Variants in STOX1 observed in about 807,000 individuals in gnomAD.
The protein encoded by STOX1 is storkhead-box protein 1.
In STOX1, 57 loss-of-function variants were observed where a neutral mutation model predicts 74.8. That is an observed-to-expected ratio of 0.76 (90% CI 0.62 to 0.95). The LOEUF (loss-of-function observed/expected upper bound fraction) is 0.95. Ranked by LOEUF, STOX1 falls within the 40% of genes least tolerant of loss-of-function variation. The probability of loss-of-function intolerance (pLI) is 0.00; values close to 1 mark genes in which losing one functional copy is unlikely to be tolerated. For synonymous variants in STOX1, 375 were observed against 401.3 expected, an observed-to-expected ratio of 0.93 and a Z score of 0.78; for missense variants, 1,010 against 1,117.0, an observed-to-expected ratio of 0.90 and a Z score of 1.37.
rs142819503 is a variant in STOX1, at chr10:68,854,453, C to T, written c.310+26520C>T. On this transcript the variant is annotated intron_variant, in intron 1 of 3. Coordinates refer to ENST00000298596, the MANE Select transcript of STOX1 (RefSeq NM_152709.5). ...CTGGGACTACAGGTGCATGCCACCACGCCTGGCTAATTTTTGTTATTTTTA... is the reference window on the plus strand; with the variant it reads ...CTGGGACTACAGGTGCATGCCACCATGCCTGGCTAATTTTTGTTATTTTTA... Among the ~76,000 whole-genome samples, 1,175 of 152,006 alleles carry T rather than the reference C, an allele frequency of 7.7e-3. 17 individuals carry two copies. The highest frequency in any genetic ancestry group is 0.027 in the African/African-American group (1,114 of 41,392).
intron 1 of STOX1, 23 bp from the exon 2 acceptor site, chr10:68,881,935 T>C (rs201895600): frequency 1.0e-5 from 16 of 1,602,452 alleles, no homozygotes; most frequent in South Asian, 5.5e-5. Context: ...CCCCTCCCCC[T>C]TTTTTTTAAA....
intron 1 of STOX1, among the ~76,000 whole-genome samples, chr10:68,848,520 A>G (rs1839907048): frequency 6.6e-6 from 1 of 152,122 alleles, no homozygotes; most frequent in African/African-American, 2.4e-5. Context: ...TTAACCTTTC[A>G]TGCCTCTGCT....
At chr10:68,889,674 A>G (rs1229228773) in intron 3 of STOX1, among the ~76,000 whole-genome samples, 2 of 151,848 alleles carry the variant, frequency 1.3e-5, no homozygotes, top group Non-Finnish European at 2.9e-5. Flanking sequence ...AGCAATTCTC[A>G]TGCCTCAGTC....
At chr10:68,837,324 T>G (rs980611320) in intron 1 of STOX1, among the ~76,000 whole-genome samples, 1 of 152,204 alleles carries the variant, frequency 6.6e-6, no homozygotes, top group African/African-American at 2.4e-5. Flanking sequence ...GTGGGGCATG[T>G]GTCCCGGTTG....
chr10:68,888,097 GCA>G (rs745666536), intron 3 of STOX1, among the ~76,000 whole-genome samples: 7 of 151,154 alleles, frequency 4.6e-5, no homozygotes, highest in Non-Finnish European at 7.4e-5. Flanking sequence ...ACACACACGC[GCA>G]CACACACATA....
intron 1 of STOX1, among the ~76,000 whole-genome samples, chr10:68,840,818 C>T (rs1024622265): frequency 6.6e-6 from 1 of 152,132 alleles, no homozygotes; most frequent in Non-Finnish European, 1.5e-5. Flanking sequence ...GCCTCGGCCT[C>T]CCAAAGTGCT....
chr10:68,888,681 C>G (rs983154848), intron 3 of STOX1, among the ~76,000 whole-genome samples: 11 of 141,602 alleles, frequency 7.8e-5, no homozygotes, highest in Non-Finnish European at 1.0e-4. Context: ...GTCACCCAGG[C>G]TGGAGTGCAG....
chr10:68,866,552 C>T (rs1840408417), intron 1 of STOX1, among the ~76,000 whole-genome samples: 1 of 152,188 alleles, frequency 6.6e-6, no homozygotes, highest in Non-Finnish European at 1.5e-5. Flanking sequence ...CCAGTTCTGC[C>T]TTCCAAGGAA....
At chr10:68,845,726 C>T (rs965667753) in intron 1 of STOX1, among the ~76,000 whole-genome samples, 9 of 150,682 alleles carry the variant, frequency 6.0e-5, no homozygotes, top group African/African-American at 1.7e-4. Context: ...CTCAGCCTCC[C>T]GAGTATCTGG....
intron 3 of STOX1, among the ~76,000 whole-genome samples, chr10:68,891,809 A>C (rs1261990819): frequency 6.7e-6 from 1 of 150,084 alleles, no homozygotes; most frequent in Non-Finnish European, 1.5e-5. Context: ...TTCAAAAAAA[A>C]AAAAAGCAAA....
In STOX1 at chr10:68,834,670, T is replaced by G. The variant is rs144893657; in HGVS notation, c.310+6737T>G. Among the ~76,000 whole-genome samples the G allele has an allele frequency of 2.0e-5, 3 of 152,352 alleles. No homozygotes were observed. The East Asian group carries it at 5.8e-4, about 29-fold the overall frequency. ...TACCCCAGAAAGTTCCCTCCTGTCCTTTCCCAGTCAGCTCTGCCTCGATTC... is the reference window on the plus strand; with the variant it reads ...TACCCCAGAAAGTTCCCTCCTGTCCGTTCCCAGTCAGCTCTGCCTCGATTC... On this transcript the variant is annotated intron_variant, in intron 1 of 3. Transcript: ENST00000298596.
At position 68,877,540 on chromosome 10, in the gene STOX1, T is replaced by A. The variant is rs568727102; in HGVS notation, c.311-4418T>A. On this transcript the variant is annotated intron_variant, in intron 1 of 3. Coordinates refer to ENST00000298596, the MANE Select transcript of STOX1 (RefSeq NM_152709.5). ...TCTCTCCCAGCCCCATGAAAATCTA[T>A]CTTGACTATTAGTTTTCTTATGAAA... is the stretch of plus-strand genomic sequence containing the variant. 3.9e-5 allele frequency among the ~76,000 whole-genome samples: 6 copies of A among 152,318 alleles called. No homozygotes were observed. The East Asian group carries it at 7.7e-4, about 20-fold the overall frequency.
intron 1 of STOX1, among the ~76,000 whole-genome samples, chr10:68,856,443 G>A (rs11818897): frequency 0.075 from 11,386 of 152,056 alleles, 574 homozygotes; most frequent in Admixed American, 0.14. Context: ...TGTTTCTGCT[G>A]CTCACAGAGG....
intron 1 of STOX1, among the ~76,000 whole-genome samples, chr10:68,848,840 A>T (rs1405958939): frequency 2.0e-5 from 3 of 151,712 alleles, no homozygotes; most frequent in African/African-American, 4.9e-5. Context: ...AATTTTTTAA[A>T]AAATTTTCCT....
At position 68,857,972 on chromosome 10, in the gene STOX1, GC is replaced by G. The variant is rs1840168279; in HGVS notation, c.311-23985del. ...TTAGGTGCCTAAAAAGGAAGAAGGGGCTAGAAAAGCAATAAGGCAGGAAGCA... is the reference window on the plus strand; with the variant it reads ...TTAGGTGCCTAAAAAGGAAGAAGGGGTAGAAAAGCAATAAGGCAGGAAGCA... On this transcript the variant is annotated intron_variant, in intron 1 of 3. Coordinates refer to ENST00000298596, the MANE Select transcript of STOX1 (RefSeq NM_152709.5). Among the ~76,000 whole-genome samples the G allele has an allele frequency of 3.3e-5, 5 of 152,182 alleles. No homozygotes were observed. The South Asian group carries it at 1.0e-3, about 32-fold the overall frequency.
rs1397498514 is a variant in STOX1, at chr10:68,892,704, T to C, written c.2938T>C (p.Leu980=). The C allele has an allele frequency of 1.9e-6, 3 of 1,613,872 alleles. No homozygotes were observed. The Admixed American group carries it at 5.0e-5, about 27-fold the overall frequency. ...KSSQPLTSNS[L]LPLTPVINV ...CAGTCAACCACTCACATCTAATTCC[T>C]TACTACCGCTAACTCCAGTCATAAA... Residue 980 remains leucine (L), a synonymous_variant, in exon 4 of 4, where the codon TTA becomes CTA. Coordinates refer to ENST00000298596, the MANE Select transcript of STOX1 (RefSeq NM_152709.5).
At chr10:68,839,470 A>C (rs2133502002) in intron 1 of STOX1, among the ~76,000 whole-genome samples, 1 of 149,282 alleles carries the variant, frequency 6.7e-6, no homozygotes, top group South Asian at 2.2e-4. Flanking sequence ...CAATCCTCCC[A>C]CTTTGGCCTC....
At chr10:68,871,671 A>G (rs2131977453) in intron 1 of STOX1, among the ~76,000 whole-genome samples, 1 of 152,260 alleles carries the variant, frequency 6.6e-6, no homozygotes, top group Middle Eastern at 3.4e-3. Flanking sequence ...AATGTGGAGG[A>G]AAGTTTTTGC....
At chr10:68,851,899 C>T (rs773285540) in intron 1 of STOX1, among the ~76,000 whole-genome samples, 3 of 151,946 alleles carry the variant, frequency 2.0e-5, no homozygotes, top group East Asian at 1.9e-4. Context: ...TTTGGAAGGC[C>T]GAGGCGGGCA....
Sources: allele counts gnomAD v4.1 joint callset (sites outside exome capture counted in the v4.1 genomes callset), GRCh38; gene constraint gnomAD v4.1.1; transcripts MANE v1.5; gene names NCBI Gene and HGNC (gene_info 2026-07-23, HGNC 2026-07-21).